The following CARF variants were observed in gnomAD, a reference collection of about 807,000 sequenced individuals.
CARF encodes the protein calcium-responsive transcription factor.
In CARF, 57 loss-of-function variants were observed where a neutral mutation model predicts 82.0. The ratio of observed to expected loss-of-function variants is 0.70; its 90% CI spans 0.56 to 0.87. CARF has a LOEUF of 0.87. CARF is among the 40% of genes least tolerant of loss of function. The pLI, the probability that CARF is intolerant of heterozygous loss-of-function variation, is 0.00. For synonymous variants in CARF, 268 were observed against 290.1 expected, an observed-to-expected ratio of 0.92 and a Z score of 0.77; for missense variants, 771 against 855.8, an observed-to-expected ratio of 0.90 and a Z score of 1.24.
intron 3 of CARF, chr2:202,925,405 A>C: frequency 3.4e-6 from 1 of 293,570 alleles, no homozygotes; most frequent in South Asian, 4.0e-5. Context: ...CCTCGATTTA[A>C]ATGGCATCCT....
intron 2 of CARF, among the ~76,000 whole-genome samples, chr2:202,918,761 G>A (rs72936860): frequency 0.089 from 13,541 of 152,090 alleles, 743 homozygotes; most frequent in Non-Finnish European, 0.12. Context: ...TTTTTAAAGT[G>A]TGTCTGTAAC....
intron 8 of CARF, among the ~76,000 whole-genome samples, chr2:202,956,931 TGC>T (rs2059074698): frequency 6.6e-6 from 1 of 151,998 alleles, no homozygotes. Context: ...TGAGACTACT[TGC>T]GCGTGCCACC....
chr2:202,952,481 A>T, intron 5 of CARF, 78 bp from the exon 6 acceptor site: 1 of 1,344,586 alleles, frequency 7.4e-7, no homozygotes, highest in South Asian at 1.4e-5. Flanking sequence ...TATGTGTTTA[A>T]TAATTTATTT....
intron 3 of CARF, among the ~76,000 whole-genome samples, chr2:202,935,754 G>T (rs1234465522): frequency 6.6e-6 from 1 of 151,960 alleles, no homozygotes; most frequent in African/African-American, 2.4e-5. Context: ...ACAAATCCTG[G>T]ACATTCTAAT....
chr2:202,973,449 T>C (rs2059890124), intron 12 of CARF: 2 of 436,746 alleles, frequency 4.6e-6, no homozygotes, highest in African/African-American at 4.1e-5. Flanking sequence ...GCCTTCTATT[T>C]CTATCTTCTT....
At chr2:202,914,061 A>C (rs1689144227) in intron 1 of CARF, among the ~76,000 whole-genome samples, 1 of 152,170 alleles carries the variant, frequency 6.6e-6, no homozygotes, top group African/African-American at 2.4e-5. Flanking sequence ...ACAATGATTT[A>C]TGTGTCGTGT....
At position 202,987,581 on chromosome 2, in the gene CARF, G is replaced by T. The variant is rs1574836890; in HGVS notation, c.*3957G>T. Among the ~76,000 whole-genome samples the T allele has an allele frequency of 6.6e-6, 1 of 152,098 alleles. No individual in the cohort carries two copies. Among genetic ancestry groups the T allele is most frequent in the East Asian group, 1.9e-4 (1 of 5,200 alleles). ...TATATTTTTGCCACATACATGTTATGTATAAATTTTACTGTTGAATAATAC... is the reference window on the plus strand; with the variant it reads ...TATATTTTTGCCACATACATGTTATTTATAAATTTTACTGTTGAATAATAC... On this transcript the variant is annotated 3_prime_UTR_variant, in exon 17 of 17. Coordinates refer to ENST00000438828, the MANE Select transcript of CARF (RefSeq NM_024744.17).
chr2:202,943,687 G>T (rs565882289), intron 5 of CARF, among the ~76,000 whole-genome samples: 1 of 145,840 alleles, frequency 6.9e-6, no homozygotes, highest in Non-Finnish European at 1.5e-5. Context: ...TTGCTCTGTC[G>T]CCAAGGCTGG....
chr2:202,974,423 A>C lies in CARF; in HGVS notation c.1421A>C (p.Asn474Thr). 6.2e-7 allele frequency: 1 copy of C among 1,610,694 alleles called. No homozygotes were observed. Among genetic ancestry groups the C allele is most frequent in the Non-Finnish European group, 8.5e-7 (1 of 1,179,144 alleles). Reference sequence around the variant, plus strand: ...TTTCCAACTGTAAATGATATAAAAAATCACATCCATGAGGTACAGAAATCC... The same window carrying C: ...TTTCCAACTGTAAATGATATAAAAACTCACATCCATGAGGTACAGAAATCC... ...SFFPTVNDIK[N>T]HIHEVQKSLR... Residue 474 changes from asparagine to threonine, a missense_variant, in exon 13 of 17, where the codon AAT becomes ACT. Physicochemically the swap from Asn to Thr is moderately conservative, Grantham distance 65. Coordinates refer to ENST00000438828, the MANE Select transcript of CARF (RefSeq NM_024744.17).
At chr2:202,926,370 T>G (rs1024595644) in intron 3 of CARF, among the ~76,000 whole-genome samples, 6 of 152,224 alleles carry the variant, frequency 3.9e-5, no homozygotes, top group East Asian at 3.8e-4. Context: ...TTTTTCAAAA[T>G]AAAGCCTCAG....
rs1476854681 is a variant in CARF at position 202,925,530 on chromosome 2, C to T, written c.-44+1115C>T. 7 of 220,692 alleles carry T rather than the reference C, an allele frequency of 3.2e-5. No homozygotes were observed. The East Asian group carries it at 1.1e-3, about 34-fold the overall frequency. 13.7% of individuals were successfully genotyped at this position (220,692 alleles called of 1,614,324 possible). A position where few individuals can be genotyped will look rare whatever the true frequency, so the allele number is the denominator to read the frequency against. On this transcript the variant is annotated intron_variant, in intron 3 of 16. Coordinates refer to ENST00000438828, the MANE Select transcript of CARF (RefSeq NM_024744.17). ...AAGTGTGAGGAGCTGCAGACGCTGC[C>T]TGGGAAGCCAAGAATGACCTGCGTC...
chr2:202,972,542 T>A (rs1452591334), intron 12 of CARF, among the ~76,000 whole-genome samples: 1 of 151,856 alleles, frequency 6.6e-6, no homozygotes, highest in Non-Finnish European at 1.5e-5. Context: ...CTGGGCATGG[T>A]GGCACGCACC....
At chr2:202,932,220 C>T (rs1693068215) in intron 3 of CARF, among the ~76,000 whole-genome samples, 1 of 152,172 alleles carries the variant, frequency 6.6e-6, no homozygotes, top group Admixed American at 6.5e-5. Context: ...GGCCCCACCT[C>T]CAACATTGGG....
chr2:202,932,249 G>T lies in CARF; in HGVS notation c.-44+7834G>T, dbSNP rs10204529. Among the ~76,000 whole-genome samples the T allele has an allele frequency of 9.1e-4, 138 of 152,282 alleles. 1 individual carries two copies. Among genetic ancestry groups the T allele is most frequent in the African/African-American group, 3.1e-3 (130 of 41,560 alleles). ...CATTGGGGGTTATAATTGAACATGA[G>T]ATTTGGGTGGGGACACGGACCCAGA... On this transcript the variant is annotated intron_variant, in intron 3 of 16. Transcript: ENST00000438828.
intron 14 of CARF, among the ~76,000 whole-genome samples, chr2:202,981,069 A>G (rs2060244159): frequency 1.3e-5 from 2 of 152,134 alleles, no homozygotes; most frequent in South Asian, 4.1e-4. Flanking sequence ...GATTCTTATT[A>G]TCTGCCAGGT....
intron 3 of CARF, among the ~76,000 whole-genome samples, chr2:202,929,269 C>T (rs1692436260): frequency 6.6e-6 from 1 of 152,144 alleles, no homozygotes; most frequent in African/African-American, 2.4e-5. Flanking sequence ...AGACCAATGT[C>T]CTGAAGCATT....
At chr2:202,974,008 A>G (rs1375503536) in intron 12 of CARF, among the ~76,000 whole-genome samples, 1 of 152,124 alleles carries the variant, frequency 6.6e-6, no homozygotes, top group Non-Finnish European at 1.5e-5. Flanking sequence ...GAATCGCTTG[A>G]ACCCGGGAGG....
chr2:202,925,113 G>A, intron 3 of CARF: 1 of 380,352 alleles, frequency 2.6e-6, no homozygotes. Flanking sequence ...GCCAGGAGCA[G>A]CTGAAGCTGG....
At chr2:202,929,773 T>C (rs926973852) in intron 3 of CARF, among the ~76,000 whole-genome samples, 3 of 152,106 alleles carry the variant, frequency 2.0e-5, no homozygotes, top group East Asian at 1.9e-4. Flanking sequence ...TTTTGTTTTT[T>C]TAAGAGATAG....
Sources: gnomAD v4.1 joint callset for allele counts (sites outside exome capture counted in the v4.1 genomes callset) on GRCh38, gnomAD v4.1.1 for gene constraint, MANE v1.5 for transcripts, NCBI Gene and HGNC (gene_info 2026-07-23, HGNC 2026-07-21) for gene names.